The following SCEL variants were observed in gnomAD, a reference collection of about 807,000 sequenced individuals.
SCEL encodes the protein sciellin.
A neutral mutation model predicts 117.6 loss-of-function variants in SCEL; 113 were observed. The ratio of observed to expected loss-of-function variants is 0.96; its 90% confidence interval spans 0.83 to 1.12. The LOEUF (loss-of-function observed/expected upper bound fraction) is 1.12, where lower values mean the gene tolerates loss of function less well. Ranked by LOEUF, SCEL falls within the 50% of genes most tolerant of loss-of-function variation. SCEL has a pLI of 0.00. For missense variants in SCEL, 785 were observed against 810.8 expected (o/e 0.97, Z 0.39); for synonymous variants, 270 against 256.2 (o/e 1.05, Z -0.51).
chr13:77,569,590 C>G, intron 8 of SCEL, 139 bp downstream of exon 8: 1 of 604,532 alleles, frequency 1.7e-6, no homozygotes, highest in South Asian at 2.2e-5. Flanking sequence ...CCAGCAATCT[C>G]TTTCTCAAAT....
At chr13:77,586,709 C>T (rs2086583689) in intron 9 of SCEL, among the ~76,000 whole-genome samples, 1 of 152,168 alleles carries the variant, frequency 6.6e-6, no homozygotes, top group Admixed American at 6.5e-5. Flanking sequence ...TGAGTACTAA[C>T]CTCAACTGAG....
In SCEL at chr13:77,634,397, G is replaced by GGATA. The variant is rs2090173539; in HGVS notation, c.1710_1711insGATA (p.Gln571AspfsTer19). 1 of 1,613,332 alleles carries GGATA rather than the reference G, an allele frequency of 6.2e-7. No individual in the cohort carries two copies. Among genetic ancestry groups the GGATA allele is most frequent in the Admixed American group, 1.7e-5 (1 of 59,992 alleles). On this transcript the variant is annotated frameshift_variant, in exon 29 of 33. Transcript: ENST00000349847. LOFTEE classifies it high-confidence loss of function. ...TTTGCAGCTCTAACACTGGAGCCAA[G>GGATA]CAGGCAGGACCACAGGATACTGTTG...
At chr13:77,558,552 T>C (rs1266789565) in intron 3 of SCEL, among the ~76,000 whole-genome samples, 1 of 151,888 alleles carries the variant, frequency 6.6e-6, no homozygotes, top group East Asian at 1.9e-4. Context: ...GGTGGATCAC[T>C]CCTGTTATCC....
chr13:77,613,671 T>C (rs192626273), intron 23 of SCEL, among the ~76,000 whole-genome samples: 66 of 152,088 alleles, frequency 4.3e-4, no homozygotes, highest in African/African-American at 1.3e-3. Flanking sequence ...TGAAATGCAA[T>C]ATCTTTGTTT....
At chr13:77,629,028 T>TA (rs540694816) in intron 28 of SCEL, among the ~76,000 whole-genome samples, 123 of 152,150 alleles carry the variant, frequency 8.1e-4, no homozygotes, top group Non-Finnish European at 1.5e-3. Context: ...GTGATTGGGG[T>TA]AAAAAAAATT....
At chr13:77,621,635 A>T (rs1483890060) in intron 27 of SCEL, among the ~76,000 whole-genome samples, 1 of 152,164 alleles carries the variant, frequency 6.6e-6, no homozygotes, top group Non-Finnish European at 1.5e-5. Context: ...TTATTTATTT[A>T]CCTGTAATGC....
intron 11 of SCEL, among the ~76,000 whole-genome samples, chr13:77,592,550 T>G (rs1423092433): frequency 6.7e-6 from 1 of 149,098 alleles, no homozygotes; most frequent in African/African-American, 2.5e-5. Flanking sequence ...TCTTTTCTTC[T>G]TCTTCTTCTT....
At position 77,604,419 on chromosome 13, in the gene SCEL, A is replaced by T; in HGVS notation, c.1157+4A>T. On this transcript the variant is annotated splice_donor_region_variant and intron_variant, in intron 19 of 32. Coordinates refer to ENST00000349847, the MANE Select transcript of SCEL (RefSeq NM_144777.3). ...AAACAAATAAAAATATTACGAGGTAAGACATTTAAAGCTCCCCCCTCCCCT... is the reference window on the plus strand; with the variant it reads ...AAACAAATAAAAATATTACGAGGTATGACATTTAAAGCTCCCCCCTCCCCT... The T allele has an allele frequency of 6.4e-7, 1 of 1,573,898 alleles. No homozygotes were observed. The highest frequency in any genetic ancestry group is 8.6e-7 in the Non-Finnish European group (1 of 1,167,710).
Position 77,544,728 on chromosome 13 carries a change from C to T in SCEL, c.-20+8904C>T, listed in dbSNP as rs1010111600. On this transcript the variant is annotated intron_variant, in intron 1 of 32. Coordinates refer to ENST00000349847, the MANE Select transcript of SCEL (RefSeq NM_144777.3). Reference sequence around the variant, plus strand: ...AATACTGAAGGAAATTGAGTAAGGGCATGGGGAGATGAGGAGAAGCTGAAA... The same window carrying T: ...AATACTGAAGGAAATTGAGTAAGGGTATGGGGAGATGAGGAGAAGCTGAAA... Among the ~76,000 whole-genome samples, 5 of 152,040 alleles carry T rather than the reference C, an allele frequency of 3.3e-5. 1 individual carries two copies. The highest frequency in any genetic ancestry group is 1.2e-4 in the African/African-American group (5 of 41,460).
chr13:77,536,244 T>A (rs762804910), intron 1 of SCEL, among the ~76,000 whole-genome samples: 5 of 152,236 alleles, frequency 3.3e-5, no homozygotes, highest in Non-Finnish European at 7.3e-5. Flanking sequence ...TGAACTCAAA[T>A]ATTGCTTTAT....
chr13:77,584,632 C>T (rs2329032), intron 9 of SCEL, among the ~76,000 whole-genome samples: 1 of 152,242 alleles, frequency 6.6e-6, no homozygotes, highest in Middle Eastern at 3.4e-3. Flanking sequence ...TAAAGCTTGG[C>T]ACCATCCCAT....
chr13:77,591,896 CG>C (rs938771667), intron 11 of SCEL, among the ~76,000 whole-genome samples: 2 of 151,916 alleles, frequency 1.3e-5, no homozygotes, highest in East Asian at 1.9e-4. Context: ...CAAATGTCGT[CG>C]GGGGGGAGGG....
intron 32 of SCEL, 147 bp from the exon 33 acceptor site, chr13:77,644,110 CA>C: frequency 2.5e-6 from 2 of 816,014 alleles, no homozygotes; most frequent in Non-Finnish European, 4.0e-6. Context: ...ACAGTATGAC[CA>C]AAAGCCACAG....
chr13:77,579,124 C>G (rs766217219), intron 9 of SCEL, among the ~76,000 whole-genome samples: 4 of 152,132 alleles, frequency 2.6e-5, no homozygotes, highest in Non-Finnish European at 5.9e-5. Flanking sequence ...ACCAACCCAT[C>G]CTTCAAGAAG....
At chr13:77,539,680 G>A (rs1593850847) in intron 1 of SCEL, among the ~76,000 whole-genome samples, 1 of 151,856 alleles carries the variant, frequency 6.6e-6, no homozygotes, top group African/African-American at 2.4e-5. Flanking sequence ...GACTACAGGC[G>A]CCCACCACCA....
At chr13:77,609,348 T>G (rs1295995315) in intron 21 of SCEL, among the ~76,000 whole-genome samples, 1 of 152,204 alleles carries the variant, frequency 6.6e-6, no homozygotes, top group Non-Finnish European at 1.5e-5. Context: ...CAGGATGGAC[T>G]GGACATTTTT....
chr13:77,599,210 C>T, intron 13 of SCEL, 119 bp from the exon 14 acceptor site: 1 of 676,928 alleles, frequency 1.5e-6, no homozygotes. Context: ...AGAATTGTAG[C>T]TCATCTTCCC....
intron 9 of SCEL, among the ~76,000 whole-genome samples, chr13:77,586,170 G>A (rs61965797): frequency 6.6e-6 from 1 of 151,922 alleles, no homozygotes; most frequent in Non-Finnish European, 1.5e-5. Context: ...TTGTCATAAT[G>A]CTTGGTGATT....
intron 28 of SCEL, among the ~76,000 whole-genome samples, chr13:77,633,427 A>AGCG (rs1043393922): frequency 1.7e-4 from 20 of 115,918 alleles, no homozygotes; most frequent in African/African-American, 6.6e-4. Context: ...TGGGCGACAG[A>AGCG]GCGAGACTCC....
Sources: allele counts gnomAD v4.1 joint callset (sites outside exome capture counted in the v4.1 genomes callset), GRCh38; gene constraint gnomAD v4.1.1; transcripts MANE v1.5; gene names NCBI Gene and HGNC (gene_info 2026-07-23, HGNC 2026-07-21).